Variants in ZMYM1 observed in about 807,000 individuals in gnomAD.
ZMYM1 encodes zinc finger MYM-type containing 1.
ZMYM1 carries 39 observed loss-of-function variants against 60.0 expected under a neutral mutation model. The observed-to-expected ratio is 0.65, with a 90% confidence interval of 0.50 to 0.85. The LOEUF (loss-of-function observed/expected upper bound fraction) is 0.85. Ranked by LOEUF, ZMYM1 falls within the 40% of genes least tolerant of loss-of-function variation. The pLI is 0.00. For synonymous variants in ZMYM1, 413 were observed against 454.0 expected (o/e 0.91, Z 1.15); for missense variants, 1,171 against 1,309.5 (o/e 0.89, Z 1.63).
intron 1 of ZMYM1, among the ~76,000 whole-genome samples, chr1:35,089,537 T>C (rs1249875175): frequency 6.6e-6 from 1 of 152,058 alleles, no homozygotes; most frequent in African/African-American, 2.4e-5. Flanking sequence ...ATCACAGAAA[T>C]AAAAAATAAT....
intron 1 of ZMYM1, among the ~76,000 whole-genome samples, chr1:35,064,390 A>G (rs1295552382): frequency 6.6e-6 from 1 of 151,788 alleles, no homozygotes; most frequent in Admixed American, 6.6e-5. Flanking sequence ...AAAGTAGTTG[A>G]TAGAAACAGT....
At chr1:35,067,295 A>G (rs892785624) in intron 1 of ZMYM1, among the ~76,000 whole-genome samples, 2 of 151,846 alleles carry the variant, frequency 1.3e-5, no homozygotes, top group Admixed American at 1.3e-4. Flanking sequence ...TTTTTATTTA[A>G]ATAAAAATAA....
chr1:35,068,469 G>A (rs954090097), intron 1 of ZMYM1, among the ~76,000 whole-genome samples: 3 of 150,726 alleles, frequency 2.0e-5, no homozygotes, highest in African/African-American at 7.3e-5. Context: ...AAGAAACTGT[G>A]GTATTTGCAA....
chr1:35,115,262 C>T lies in ZMYM1; in HGVS notation c.*3C>T, dbSNP rs1354973887. 2 of 1,563,202 alleles carry T rather than the reference C, an allele frequency of 1.3e-6. No individual in the cohort carries two copies. The highest frequency in any genetic ancestry group is 2.1e-5 in the Admixed American group (1 of 48,774). On this transcript the variant is annotated 3_prime_UTR_variant, in exon 10 of 10. Transcript: ENST00000359858. ...TCAGTCAGATGAAAGAAATATAATA[C>T]ATGCTCATTTGAACTTACCTAAAAG...
At chr1:35,082,503 G>T (rs1441249722) in intron 1 of ZMYM1, among the ~76,000 whole-genome samples, 1 of 151,004 alleles carries the variant, frequency 6.6e-6, no homozygotes, top group African/African-American at 2.4e-5. Context: ...GCTAATTTTT[G>T]TATTTTTGGT....
chr1:35,112,909 A>G (rs1644144409), intron 9 of ZMYM1, 68 bp from the exon 10 acceptor site: 4 of 1,341,786 alleles, frequency 3.0e-6, no homozygotes. Context: ...TTATTAGAGT[A>G]GATATATTTG....
intron 6 of ZMYM1, among the ~76,000 whole-genome samples, chr1:35,109,230 A>T (rs1169102885): frequency 6.6e-6 from 1 of 151,700 alleles, no homozygotes; most frequent in African/African-American, 2.4e-5. Context: ...ATGAGGTATC[A>T]CTATTTTACC....
rs1198801340 is a variant in ZMYM1, at chr1:35,114,233, G to A, written c.2403G>A (p.Lys801=). The change falls in exon 10 of 10, where the codon AAG becomes AAA. Residue 801 remains lysine (K), a synonymous_variant. Transcript: ENST00000359858. ...IYRLSQNKTC[K]KHISQSCWTV... is the part of the protein sequence containing the mutation. The stretch of plus-strand genomic sequence containing the variant: ...GGCTAAGTCAAAACAAAACATGCAA[G>A]AAACATATATCACAATCATGTTGGA... 5.6e-6 allele frequency: 9 copies of A among 1,613,482 alleles called. No individual in the cohort carries two copies. The African/African-American group carries it at 9.3e-5, about 17-fold the overall frequency.
chr1:35,071,910 G>A (rs1380032129), intron 1 of ZMYM1, among the ~76,000 whole-genome samples: 3 of 152,246 alleles, frequency 2.0e-5, no homozygotes, highest in South Asian at 2.1e-4. Flanking sequence ...AGGCTAAGGC[G>A]GGCAGATCAT....
chr1:35,097,216 C>G (rs1643381590), intron 3 of ZMYM1, 101 bp from the exon 4 acceptor site: 1 of 1,366,528 alleles, frequency 7.3e-7, no homozygotes, highest in Non-Finnish European at 1.0e-6. Context: ...GGCAACAGAA[C>G]AAGACCCTGT....
intron 1 of ZMYM1, among the ~76,000 whole-genome samples, chr1:35,083,046 T>C (rs1186850608): frequency 6.6e-6 from 1 of 152,198 alleles, no homozygotes; most frequent in Non-Finnish European, 1.5e-5. Context: ...AAAATGTCTT[T>C]ATTTTGCTCT....
Position 35,114,247 on chromosome 1 carries a change from A to G in ZMYM1, c.2417A>G (p.Gln806Arg), listed in dbSNP as rs755587784. Residue 806 changes from glutamine to arginine, a missense_variant, in exon 10 of 10, where the codon CAA becomes CGA. Coordinates refer to ENST00000359858, the MANE Select transcript of ZMYM1 (RefSeq NM_024772.5). ...QNKTCKKHIS[Q>R]SCWTVHDRTL... is the part of the protein sequence containing the mutation. ...AAAACATGCAAGAAACATATATCAC[A>G]ATCATGTTGGACAGTCCATGATCGT... The G allele has an allele frequency of 2.2e-5, 36 of 1,613,712 alleles. 1 individual carries two copies. In the South Asian group the frequency reaches 3.8e-4, roughly 17 times the overall value.
intron 6 of ZMYM1, among the ~76,000 whole-genome samples, chr1:35,106,921 A>G (rs2148553710): frequency 6.6e-6 from 1 of 151,386 alleles, no homozygotes; most frequent in South Asian, 2.1e-4. Flanking sequence ...GCGCAATCTC[A>G]GCTCACTGCA....
chr1:35,096,533 G>GT (rs1553141513), intron 3 of ZMYM1, among the ~76,000 whole-genome samples: 3,078 of 140,566 alleles, frequency 0.022, 94 homozygotes, highest in African/African-American at 0.067. Context: ...GAGGCGGGAG[G>GT]TTTTTTTTTT....
At chr1:35,109,309 C>G (rs1288630991) in intron 6 of ZMYM1, among the ~76,000 whole-genome samples, 3 of 152,120 alleles carry the variant, frequency 2.0e-5, no homozygotes, top group Non-Finnish European at 4.4e-5. Context: ...AGATTACAGG[C>G]GTGAGCCACT....
chr1:35,060,450 G>A (rs553772915), intron 1 of ZMYM1, among the ~76,000 whole-genome samples: 4 of 152,094 alleles, frequency 2.6e-5, no homozygotes, highest in Admixed American at 6.6e-5. Context: ...GTGAGCCACC[G>A]CGCCCGGCTG....
chr1:35,108,941 C>T (rs936803878), intron 6 of ZMYM1, among the ~76,000 whole-genome samples: 2 of 151,996 alleles, frequency 1.3e-5, no homozygotes, highest in Non-Finnish European at 2.9e-5. Context: ...AACTCCTGGG[C>T]TCAAGTGATC....
chr1:35,073,104 C>T (rs72905045), intron 1 of ZMYM1, among the ~76,000 whole-genome samples: 18,659 of 148,290 alleles, frequency 0.13, 3,715 homozygotes, highest in African/African-American at 0.42. Flanking sequence ...ACAAAAAATA[C>T]GAAAAATTAG....
chr1:35,060,576 G>A (rs571377537), intron 1 of ZMYM1, among the ~76,000 whole-genome samples: 2 of 152,228 alleles, frequency 1.3e-5, no homozygotes, highest in East Asian at 1.9e-4. Context: ...TAAGTCAGAG[G>A]GCAAAGGCAG....
Sources: allele counts gnomAD v4.1 joint callset (sites outside exome capture counted in the v4.1 genomes callset), GRCh38; gene constraint gnomAD v4.1.1; transcripts MANE v1.5; gene names NCBI Gene and HGNC (gene_info 2026-07-23, HGNC 2026-07-21).